CDK17: variants seen among roughly 807,000 people sequenced by gnomAD.
CDK17 encodes cyclin dependent kinase 17, also known as cyclin-dependent kinase 17.
A neutral mutation model predicts 77.6 loss-of-function variants in CDK17; 24 were observed. That is an observed-to-expected ratio of 0.31 (90% CI 0.22 to 0.44). CDK17 has a LOEUF of 0.44. Ranked by LOEUF, CDK17 falls within the 20% of genes least tolerant of loss-of-function variation. CDK17 has a pLI of 1.00. For synonymous variants in CDK17, 203 were observed against 210.4 expected (o/e 0.96, Z 0.30); for missense variants, 429 against 622.5 (o/e 0.69, Z 3.31).
intron 5 of CDK17, among the ~76,000 whole-genome samples, chr12:96,305,452 T>A (rs1219683812): frequency 6.6e-6 from 1 of 152,178 alleles, no homozygotes; most frequent in Admixed American, 6.5e-5. Context: ...AAGAACTATA[T>A]AATTTTTGTA....
chr12:96,295,309 T>A (rs1952388308), intron 9 of CDK17, 187 bp from the exon 10 acceptor site: 1 of 407,042 alleles, frequency 2.5e-6, no homozygotes, highest in African/African-American at 2.1e-5. Flanking sequence ...AATAGTTTAT[T>A]ATTCTATTTG....
intron 1 of CDK17, among the ~76,000 whole-genome samples, chr12:96,368,695 T>TG (rs1953631558): frequency 6.6e-6 from 1 of 151,484 alleles, no homozygotes; most frequent in Non-Finnish European, 1.5e-5. Context: ...CACTAGAAAA[T>TG]GAAGTATTTT....
chr12:96,351,030 T>C (rs1435968725), intron 1 of CDK17, among the ~76,000 whole-genome samples: 2 of 152,156 alleles, frequency 1.3e-5, no homozygotes, highest in Admixed American at 6.5e-5. Context: ...GTAAAGGTCT[T>C]GAATGTACAT....
intron 1 of CDK17, among the ~76,000 whole-genome samples, chr12:96,380,004 A>G (rs2137224838): frequency 6.6e-6 from 1 of 151,758 alleles, no homozygotes; most frequent in African/African-American, 2.4e-5. Flanking sequence ...CCCCATCTCT[A>G]CAAAAAATAC....
intron 1 of CDK17, among the ~76,000 whole-genome samples, chr12:96,378,034 G>T (rs1032047650): frequency 6.6e-6 from 1 of 152,140 alleles, no homozygotes; most frequent in African/African-American, 2.4e-5. Context: ...TATCGTTTTA[G>T]ATTTACAGAA....
intron 13 of CDK17, among the ~76,000 whole-genome samples, chr12:96,284,686 T>G (rs1248540892): frequency 6.6e-6 from 1 of 151,192 alleles, no homozygotes; most frequent in East Asian, 2.0e-4. Context: ...TGCCTCAGCC[T>G]CCCGAGTAGC....
intron 1 of CDK17, chr12:96,387,195 C>T: frequency 3.9e-6 from 1 of 255,124 alleles, no homozygotes; most frequent in East Asian, 1.1e-4. Flanking sequence ...TGAGCTTCAT[C>T]CTAGCAGTGC....
intron 10 of CDK17, 111 bp from the exon 11 acceptor site, chr12:96,289,398 G>T: frequency 9.1e-7 from 1 of 1,101,996 alleles, no homozygotes; most frequent in Non-Finnish European, 1.3e-6. Flanking sequence ...TTAATTCGTA[G>T]CTTCTTGAGG....
intron 1 of CDK17, among the ~76,000 whole-genome samples, chr12:96,388,003 C>T (rs1592772470): frequency 6.6e-6 from 1 of 151,900 alleles, no homozygotes; most frequent in South Asian, 2.1e-4. Context: ...GGTGTGGCAG[C>T]TCACGCCTGT....
intron 10 of CDK17, among the ~76,000 whole-genome samples, chr12:96,294,584 CAAAAAAAAA>C (rs11313631): frequency 1.5e-4 from 8 of 54,346 alleles, no homozygotes; most frequent in Admixed American, 2.8e-4. Flanking sequence ...ATGCTGTCTT[CAAAAAAAAA>C]AAAAAAAAAA....
intron 1 of CDK17, among the ~76,000 whole-genome samples, chr12:96,341,896 A>G (rs80132897): frequency 0.013 from 2,025 of 152,324 alleles, 18 homozygotes; most frequent in South Asian, 0.037. Context: ...GACTTATTAG[A>G]GTGGCAATCC....
rs1032684179 is a variant in CDK17, at chr12:96,392,511, T to A, written c.-30+7475A>T. Among the ~76,000 whole-genome samples the A allele has an allele frequency of 4.5e-4, 69 of 151,882 alleles. 1 individual carries two copies. The highest frequency in any genetic ancestry group is 1.3e-3 in the African/African-American group (55 of 41,326). ...CGTAAGAAAGTGACACAGGAAAAAA[T>A]AAATTTAAAAGATATTTAGGAATTA... On this transcript the variant is annotated intron_variant, in intron 1 of 16. Transcript: ENST00000261211.
At chr12:96,306,661 G>A (rs1238138844) in intron 5 of CDK17, among the ~76,000 whole-genome samples, 3 of 151,918 alleles carry the variant, frequency 2.0e-5, no homozygotes, top group African/African-American at 4.8e-5. Context: ...AGACTTCTAT[G>A]CTGAAGAACT....
At chr12:96,391,554 G>C (rs1198018361) in intron 1 of CDK17, among the ~76,000 whole-genome samples, 1 of 152,126 alleles carries the variant, frequency 6.6e-6, no homozygotes, top group Non-Finnish European at 1.5e-5. Flanking sequence ...GCCTCCCAAA[G>C]TGCTGGGATT....
intron 1 of CDK17, among the ~76,000 whole-genome samples, chr12:96,391,081 C>T (rs1212588929): frequency 3.2e-5 from 4 of 123,374 alleles, no homozygotes; most frequent in Admixed American, 8.3e-5. Context: ...AGGGAGACTC[C>T]ATCTCAAAAA....
chr12:96,388,805 A>C (rs896397086), intron 1 of CDK17, among the ~76,000 whole-genome samples: 4 of 152,126 alleles, frequency 2.6e-5, no homozygotes, highest in African/African-American at 9.7e-5. Flanking sequence ...TCTGCTTGGC[A>C]ACTGGGGAGG....
intron 1 of CDK17, among the ~76,000 whole-genome samples, chr12:96,343,354 A>C (rs1266091020): frequency 6.6e-6 from 1 of 152,228 alleles, no homozygotes; most frequent in Non-Finnish European, 1.5e-5. Flanking sequence ...AACAGTAAGG[A>C]ATAGCAGCCC....
At chr12:96,339,394 T>C (rs1276667242) in intron 1 of CDK17, among the ~76,000 whole-genome samples, 1 of 152,004 alleles carries the variant, frequency 6.6e-6, no homozygotes, top group Non-Finnish European at 1.5e-5. Flanking sequence ...GAAGTTATTC[T>C]TTAATGGGTA....
At chr12:96,359,751 G>T (rs1953463814) in intron 1 of CDK17, among the ~76,000 whole-genome samples, 1 of 151,994 alleles carries the variant, frequency 6.6e-6, no homozygotes, top group Non-Finnish European at 1.5e-5. Context: ...TTCTTAAAAA[G>T]ATTTATACTA....
Sources: gnomAD v4.1 joint callset for allele counts (sites outside exome capture counted in the v4.1 genomes callset) on GRCh38, gnomAD v4.1.1 for gene constraint, MANE v1.5 for transcripts, NCBI Gene and HGNC (gene_info 2026-07-23, HGNC 2026-07-21) for gene names.